The following MEOX2 variants were observed in gnomAD, a reference collection of about 807,000 sequenced individuals.
MEOX2 encodes homeobox protein MOX-2.
Under a neutral mutation model 27.0 loss-of-function variants are expected in MEOX2, and 11 were observed. The ratio of observed to expected loss-of-function variants is 0.41; its 90% CI spans 0.26 to 0.68. MEOX2 has a LOEUF of 0.68. Ranked by LOEUF, MEOX2 falls within the 30% of genes least tolerant of loss-of-function variation. MEOX2 has a pLI of 0.33. For missense variants in MEOX2, 436 were observed against 385.4 expected (o/e 1.13, Z -1.10); for synonymous variants, 189 against 155.4 (o/e 1.22, Z -1.61).
chr7:15,643,775 T>C (rs774215095), intron 1 of MEOX2, among the ~76,000 whole-genome samples: 41 of 152,166 alleles, frequency 2.7e-4, no homozygotes, highest in Non-Finnish European at 4.7e-4. Flanking sequence ...TTTCTAACAA[T>C]GGGGGCTCCT....
intron 1 of MEOX2, among the ~76,000 whole-genome samples, chr7:15,669,474 C>T (rs548165399): frequency 4.6e-5 from 7 of 152,320 alleles, no homozygotes; most frequent in African/African-American, 1.2e-4. Context: ...TAATGTGTAG[C>T]GTTAATACTA....
chr7:15,660,110 T>G lies in MEOX2; in HGVS notation c.517+25776A>C, dbSNP rs571682724. 2.0e-5 allele frequency among the ~76,000 whole-genome samples: 3 copies of G among 152,322 alleles called. No homozygotes were observed. In the East Asian group the frequency reaches 5.8e-4, roughly 29 times the overall value. On this transcript the variant is annotated intron_variant, in intron 1 of 2. Transcript: ENST00000262041. The stretch of plus-strand genomic sequence containing the variant: ...ATGGCTTCTAGGAGGAAGTGACTCC[T>G]GAACTAGATCTTAAAGAATGAGTGA...
intron 1 of MEOX2, among the ~76,000 whole-genome samples, chr7:15,673,018 A>G (rs1445329304): frequency 6.6e-6 from 1 of 152,226 alleles, no homozygotes; most frequent in Non-Finnish European, 1.5e-5. Context: ...CATCTTCGAA[A>G]TTTGCCCTAT....
chr7:15,621,619 T>A (rs183629277), intron 2 of MEOX2, among the ~76,000 whole-genome samples: 1 of 152,332 alleles, frequency 6.6e-6, no homozygotes, highest in African/African-American at 2.4e-5. Context: ...CAAATCTTCA[T>A]GACACATATA....
intron 1 of MEOX2, among the ~76,000 whole-genome samples, chr7:15,631,195 G>A (rs1781396214): frequency 1.3e-5 from 2 of 151,022 alleles, no homozygotes; most frequent in East Asian, 2.0e-4. Context: ...TTTCCATCGA[G>A]TTATAATTAT....
At position 15,686,635 on chromosome 7, in the gene MEOX2, A is replaced by C. The variant is rs1782393315; in HGVS notation, c.-233T>G. ...TTCCCTGAGCTACTCAGATGTCAAG[A>C]GTGGGAGAGGTTGAAGCCAAAAGAA... On this transcript the variant is annotated 5_prime_UTR_variant, in exon 1 of 3. Transcript: ENST00000262041. 1 of 541,948 alleles carries C rather than the reference A, an allele frequency of 1.8e-6. No homozygotes were observed. The highest frequency in any genetic ancestry group is 3.2e-6 in the Non-Finnish European group (1 of 307,700). The allele number at this position is 541,948 out of a possible 1,614,324, so 33.6% of individuals were successfully genotyped here.
intron 1 of MEOX2, among the ~76,000 whole-genome samples, chr7:15,641,346 A>G (rs775615666): frequency 2.6e-5 from 4 of 151,834 alleles, no homozygotes; most frequent in Non-Finnish European, 4.4e-5. Flanking sequence ...TTATAATTCA[A>G]TGTTCTTCCT....
At chr7:15,613,290 T>C (rs1267753957) in intron 2 of MEOX2, among the ~76,000 whole-genome samples, 1 of 152,038 alleles carries the variant, frequency 6.6e-6, no homozygotes, top group Non-Finnish European at 1.5e-5. Flanking sequence ...TACTACATCA[T>C]TCACATCAGC....
intron 1 of MEOX2, among the ~76,000 whole-genome samples, chr7:15,627,351 C>T (rs1191633368): frequency 2.0e-5 from 3 of 152,080 alleles, no homozygotes; most frequent in East Asian, 1.9e-4. Context: ...GAAATTCAAA[C>T]GTTTAGCAAC....
intron 1 of MEOX2, among the ~76,000 whole-genome samples, chr7:15,672,364 T>C (rs1583787900): frequency 6.6e-6 from 1 of 152,178 alleles, no homozygotes; most frequent in Admixed American, 6.5e-5. Flanking sequence ...ACAGAATGTA[T>C]ATAGAATCTT....
chr7:15,669,360 A>C (rs34994232), intron 1 of MEOX2, among the ~76,000 whole-genome samples: 15,831 of 152,294 alleles, frequency 0.1, 991 homozygotes, highest in Middle Eastern at 0.24. Flanking sequence ...TGTTTCTAAG[A>C]TATCCTGATT....
rs117392011 is a variant in MEOX2, at chr7:15,633,187, G to A, written c.518-6269C>T. Among the ~76,000 whole-genome samples the A allele has an allele frequency of 9.2e-4, 139 of 151,908 alleles. 4 individuals are homozygous for A. In the East Asian group the frequency reaches 0.021, roughly 23 times the overall value. Reference sequence around the variant, plus strand: ...GTTCTAGTTTATTCAGACACTGGAGGTCAATAAAAATAATACTTGTTTTCA... The same window carrying A: ...GTTCTAGTTTATTCAGACACTGGAGATCAATAAAAATAATACTTGTTTTCA... On this transcript the variant is annotated intron_variant, in intron 1 of 2. Transcript: ENST00000262041.
intron 2 of MEOX2, among the ~76,000 whole-genome samples, chr7:15,616,643 A>G (rs1312124500): frequency 6.6e-6 from 1 of 151,950 alleles, no homozygotes; most frequent in Non-Finnish European, 1.5e-5. Context: ...CCAAATGCCT[A>G]AAATTTTATT....
chr7:15,678,142 T>C (rs1175354870), intron 1 of MEOX2, among the ~76,000 whole-genome samples: 2 of 152,300 alleles, frequency 1.3e-5, no homozygotes, highest in East Asian at 1.9e-4. Flanking sequence ...CTACATTCTG[T>C]CTAGTTTAAT....
At position 15,658,558 on chromosome 7, in the gene MEOX2, T is replaced by C. The variant is rs75736477; in HGVS notation, c.517+27328A>G. ...AAAAGCAAAAAGAGAACTCACGATC[T>C]CAAAATCCTTAGCTGTTATGGACCA... On this transcript the variant is annotated intron_variant, in intron 1 of 2. Coordinates refer to ENST00000262041, the MANE Select transcript of MEOX2 (RefSeq NM_005924.5). Among the ~76,000 whole-genome samples, 506 of 152,324 alleles carry C rather than the reference T, an allele frequency of 3.3e-3. 2 individuals are homozygous for C. The highest frequency in any genetic ancestry group is 5.5e-3 in the Non-Finnish European group (374 of 68,024).
At chr7:15,645,363 G>A (rs1781624159) in intron 1 of MEOX2, among the ~76,000 whole-genome samples, 2 of 152,094 alleles carry the variant, frequency 1.3e-5, no homozygotes, top group South Asian at 4.1e-4. Flanking sequence ...TGAAATAACA[G>A]CTATGACAAA....
intron 1 of MEOX2, among the ~76,000 whole-genome samples, chr7:15,648,508 G>A (rs1781684735): frequency 6.6e-6 from 1 of 152,070 alleles, no homozygotes; most frequent in Non-Finnish European, 1.5e-5. Context: ...GGATACAGAG[G>A]AAAGGATAGC....
At chr7:15,675,802 G>C (rs1469533503) in intron 1 of MEOX2, among the ~76,000 whole-genome samples, 1 of 152,116 alleles carries the variant, frequency 6.6e-6, no homozygotes. Context: ...TCTTGTCCCT[G>C]CTGTGTATTA....
At chr7:15,661,422 T>A (rs1173455010) in intron 1 of MEOX2, among the ~76,000 whole-genome samples, 1 of 152,218 alleles carries the variant, frequency 6.6e-6, no homozygotes, top group Non-Finnish European at 1.5e-5. Context: ...AATGACTTGA[T>A]CAAATAGCTA....
Sources: gnomAD v4.1 joint callset for allele counts (sites outside exome capture counted in the v4.1 genomes callset) on GRCh38, gnomAD v4.1.1 for gene constraint, MANE v1.5 for transcripts, NCBI Gene and HGNC (gene_info 2026-07-23, HGNC 2026-07-21) for gene names.